Variants in CSGALNACT1 observed in about 807,000 individuals in gnomAD.
CSGALNACT1 encodes chondroitin sulfate N-acetylgalactosaminyltransferase 1, also known as beta4GalNAcT-1.
Under a neutral mutation model 51.0 loss-of-function variants are expected in CSGALNACT1, and 52 were observed. The ratio of observed to expected loss-of-function variants is 1.02; its 90% CI spans 0.82 to 1.29. CSGALNACT1 has a LOEUF of 1.29. Ranked by LOEUF, CSGALNACT1 falls within the 50% of genes most tolerant of loss-of-function variation. The pLI is 0.00. For missense variants in CSGALNACT1, 935 were observed against 679.2 expected, an observed-to-expected ratio of 1.38 and a Z score of -4.19; for synonymous variants, 341 against 254.4, an observed-to-expected ratio of 1.34 and a Z score of -3.24.
intron 1 of CSGALNACT1, among the ~76,000 whole-genome samples, chr8:19,611,684 T>C (rs974427692): frequency 6.6e-6 from 1 of 152,232 alleles, no homozygotes; most frequent in Admixed American, 6.5e-5. Flanking sequence ...GGATCCTGTA[T>C]GCTGACTCAT....
At chr8:19,491,632 C>T (rs1052988193) in intron 4 of CSGALNACT1, among the ~76,000 whole-genome samples, 60 of 151,980 alleles carry the variant, frequency 3.9e-4, no homozygotes, top group African/African-American at 1.4e-3. Context: ...TTTTGTGATC[C>T]GTTCATCTTT....
intron 1 of CSGALNACT1, among the ~76,000 whole-genome samples, chr8:19,625,867 T>C (rs1197603601): frequency 6.6e-6 from 1 of 152,170 alleles, no homozygotes; most frequent in Non-Finnish European, 1.5e-5. Flanking sequence ...TCACTCAATC[T>C]GTCCCCAAAA....
At chr8:19,580,088 T>G (rs1281522877) in intron 3 of CSGALNACT1, among the ~76,000 whole-genome samples, 1 of 152,240 alleles carries the variant, frequency 6.6e-6, no homozygotes, top group African/African-American at 2.4e-5. Flanking sequence ...CATTCACTAA[T>G]TCCTGGCCAG....
At chr8:19,506,152 A>G (rs778474078) in intron 3 of CSGALNACT1, 22 bp from the exon 3 acceptor site, 3 of 562,584 alleles carry the variant, frequency 5.3e-6, no homozygotes, top group South Asian at 3.1e-5. Flanking sequence ...CACAAATGAC[A>G]TCAACACTTA....
In CSGALNACT1 at chr8:19,629,617, G is replaced by C. The variant is rs79683399; in HGVS notation, c.-543-27752C>G. On this transcript the variant is annotated intron_variant, in intron 1 of 9. Transcript: ENST00000332246. The stretch of plus-strand genomic sequence containing the variant: ...TTAAACTTGGAGATTTGTGGACTTT[G>C]ACACCAGCCCCCTACTCCAGCCCTA... Among the ~76,000 whole-genome samples, 186 of 152,290 alleles carry C rather than the reference G, an allele frequency of 1.2e-3. 1 individual carries two copies. Among genetic ancestry groups the C allele is most frequent in the African/African-American group, 4.3e-3 (179 of 41,556 alleles).
chr8:19,588,353 T>C (rs1451084315), intron 3 of CSGALNACT1, among the ~76,000 whole-genome samples: 2 of 152,236 alleles, frequency 1.3e-5, no homozygotes, highest in African/African-American at 2.4e-5. Flanking sequence ...AATATCATAT[T>C]CTAGCCAGTG....
intron 5 of CSGALNACT1, among the ~76,000 whole-genome samples, chr8:19,444,500 T>C (rs2061808259): frequency 6.6e-6 from 1 of 152,200 alleles, no homozygotes; most frequent in African/African-American, 2.4e-5. Flanking sequence ...AAGGTTCTAC[T>C]GGTAGGATAT....
chr8:19,646,344 ATCACTGAAAAG>A (rs1451522066), intron 1 of CSGALNACT1, among the ~76,000 whole-genome samples: 1 of 152,238 alleles, frequency 6.6e-6, no homozygotes, highest in Non-Finnish European at 1.5e-5. Context: ...GATTTTGCTG[ATCACTGAAAAG>A]TTAAAGGGCA....
intron 4 of CSGALNACT1, among the ~76,000 whole-genome samples, chr8:19,471,289 C>T (rs2068105078): frequency 6.6e-6 from 1 of 152,138 alleles, no homozygotes; most frequent in African/African-American, 2.4e-5. Context: ...AAAGCCTACC[C>T]TAAGGGGTGA....
intron 3 of CSGALNACT1, among the ~76,000 whole-genome samples, chr8:19,520,173 G>T (rs936305679): frequency 6.6e-6 from 1 of 152,224 alleles, no homozygotes; most frequent in Non-Finnish European, 1.5e-5. Context: ...TTAGAAAGTG[G>T]TTATTATAGA....
intron 5 of CSGALNACT1, among the ~76,000 whole-genome samples, chr8:19,443,421 TA>T (rs1424928928): frequency 3.9e-5 from 6 of 152,170 alleles, no homozygotes; most frequent in Non-Finnish European, 8.8e-5. Context: ...ATGCTGCTAA[TA>T]AAGACATACC....
chr8:19,461,836 G>C lies in CSGALNACT1; in HGVS notation c.635-3194C>G, dbSNP rs1327636912. ...AGCAGCCACATTAGCCATGGAGGGT[G>C]TATCTGCACAGCAGCCACATTCACC... is the stretch of plus-strand genomic sequence containing the variant. On this transcript the variant is annotated intron_variant, in intron 4 of 9. Coordinates refer to ENST00000454498, the Ensembl canonical transcript of CSGALNACT1. Among the ~76,000 whole-genome samples, 36 of 126,964 alleles carry C rather than the reference G, an allele frequency of 2.8e-4. 9 individuals carry two copies. Among genetic ancestry groups the C allele is most frequent in the Non-Finnish European group, 4.2e-4 (23 of 55,138 alleles). 83.3% of individuals were successfully genotyped at this position (126,964 alleles called of 152,430 possible).
At chr8:19,530,119 G>A (rs953128053) in intron 3 of CSGALNACT1, among the ~76,000 whole-genome samples, 2 of 152,068 alleles carry the variant, frequency 1.3e-5, no homozygotes, top group African/African-American at 2.4e-5. Flanking sequence ...CTACTCGGGG[G>A]CTGAGGCATG....
chr8:19,749,443 C>T (rs2064892436), intron 1 of CSGALNACT1, among the ~76,000 whole-genome samples: 1 of 152,084 alleles, frequency 6.6e-6, no homozygotes, highest in Admixed American at 6.5e-5. Flanking sequence ...TGCCTATGTG[C>T]CATGGCATAA....
At chr8:19,545,565 T>C (rs2086268275) in intron 3 of CSGALNACT1, among the ~76,000 whole-genome samples, 2 of 152,182 alleles carry the variant, frequency 1.3e-5, no homozygotes, top group South Asian at 4.1e-4. Context: ...TCCTCCTCAA[T>C]GCCTAGTATG....
Position 19,456,268 on chromosome 8 carries a change from T to C in CSGALNACT1, c.851+2158A>G, listed in dbSNP as rs192916619. Reference sequence around the variant, plus strand: ...TATTTCAGGCCCAGGAGTCCTACAGTGAGGACTTGTCCTTTCACCGAGCAG... The same window carrying C: ...TATTTCAGGCCCAGGAGTCCTACAGCGAGGACTTGTCCTTTCACCGAGCAG... On this transcript the variant is annotated intron_variant, in intron 5 of 9. Transcript: ENST00000454498. Among the ~76,000 whole-genome samples, 27 of 152,310 alleles carry C rather than the reference T, an allele frequency of 1.8e-4. 1 individual carries two copies. Among genetic ancestry groups the C allele is most frequent in the Admixed American group, 1.4e-3 (21 of 15,294 alleles).
chr8:19,430,470 TC>T (rs1484248588), intron 6 of CSGALNACT1, among the ~76,000 whole-genome samples: 1 of 152,196 alleles, frequency 6.6e-6, no homozygotes, highest in Non-Finnish European at 1.5e-5. Context: ...AAAAGATGAT[TC>T]TTTCCCCCAT....
At chr8:19,640,877 GGTT>G (rs2056656671) in intron 1 of CSGALNACT1, among the ~76,000 whole-genome samples, 2 of 149,408 alleles carry the variant, frequency 1.3e-5, no homozygotes, top group African/African-American at 5.0e-5. Context: ...CTTAAGTTTT[GGTT>G]GTTTTTTTTT....
chr8:19,464,814 T>A (rs2153832439), intron 4 of CSGALNACT1, among the ~76,000 whole-genome samples: 1 of 152,276 alleles, frequency 6.6e-6, no homozygotes, highest in South Asian at 2.1e-4. Flanking sequence ...ACAAAACTGG[T>A]GCCTGGTGCC....
Sources: allele counts gnomAD v4.1 joint callset (sites outside exome capture counted in the v4.1 genomes callset), GRCh38; gene constraint gnomAD v4.1.1; transcripts MANE v1.5; gene names NCBI Gene and HGNC (gene_info 2026-07-23, HGNC 2026-07-21).